RALGAPA2: variants seen among roughly 807,000 people sequenced by gnomAD.
The protein encoded by RALGAPA2 is Ral GTPase activating protein catalytic subunit alpha 2, also known as ral GTPase-activating protein subunit alpha-2.
RALGAPA2 carries 139 observed loss-of-function variants against 230.4 expected under a neutral mutation model. The observed-to-expected ratio is 0.60, with a 90% CI of 0.53 to 0.69. RALGAPA2 has a LOEUF of 0.69. Among genes scored for constraint, RALGAPA2 ranks in the 30% least tolerant of loss-of-function variants. RALGAPA2 has a pLI of 0.00. For synonymous variants in RALGAPA2, 847 were observed against 837.8 expected (o/e 1.01, Z -0.19); for missense variants, 2,163 against 2,276.0 (o/e 0.95, Z 1.01).
chr20:20,652,446 A>C (rs571747045), intron 4 of RALGAPA2, among the ~76,000 whole-genome samples: 1 of 152,270 alleles, frequency 6.6e-6, no homozygotes, highest in East Asian at 1.9e-4. Context: ...TATTTTTCTC[A>C]TCTATCCCCT....
chr20:20,567,876 A>G (rs1305874857), intron 23 of RALGAPA2, among the ~76,000 whole-genome samples: 1 of 113,060 alleles, frequency 8.8e-6, no homozygotes, highest in African/African-American at 4.2e-5. Context: ...AAAATAAAAT[A>G]AAATAAAATA....
intron 37 of RALGAPA2, among the ~76,000 whole-genome samples, chr20:20,432,973 G>A (rs2060530932): frequency 6.6e-6 from 1 of 152,208 alleles, no homozygotes; most frequent in Admixed American, 6.5e-5. Flanking sequence ...TGGCTCACTC[G>A]TGAGCACCAA....
intron 16 of RALGAPA2, among the ~76,000 whole-genome samples, chr20:20,600,245 G>T (rs1042283471): frequency 2.6e-5 from 4 of 152,302 alleles, no homozygotes; most frequent in African/African-American, 4.8e-5. Context: ...GCAATGAGCT[G>T]AGATCGCTCC....
At chr20:20,639,719 A>G (rs1198107435) in intron 7 of RALGAPA2, 66 bp downstream of exon 7, 2 of 1,082,784 alleles carry the variant, frequency 1.8e-6, no homozygotes, top group African/African-American at 1.6e-5. Context: ...GAGGGAAAAG[A>G]GGCAATATTT....
At chr20:20,428,601 GGTC>G (rs1337119957) in intron 37 of RALGAPA2, among the ~76,000 whole-genome samples, 1 of 152,102 alleles carries the variant, frequency 6.6e-6, no homozygotes, top group African/African-American at 2.4e-5. Flanking sequence ...TTGTATCACT[GGTC>G]TCAAGGCCAG....
intron 24 of RALGAPA2, among the ~76,000 whole-genome samples, chr20:20,544,138 T>A (rs1296904591): frequency 6.6e-6 from 1 of 151,240 alleles, no homozygotes; most frequent in Non-Finnish European, 1.5e-5. Context: ...CAGGAAACAA[T>A]AGGCCGGGCA....
chr20:20,526,808 C>T (rs1162856282), intron 27 of RALGAPA2, among the ~76,000 whole-genome samples: 1 of 152,186 alleles, frequency 6.6e-6, no homozygotes, highest in Admixed American at 6.5e-5. Flanking sequence ...CATGGAGAAA[C>T]AGGGATTGAT....
chr20:20,399,707 G>A (rs1057470993), intron 38 of RALGAPA2, among the ~76,000 whole-genome samples: 11 of 152,246 alleles, frequency 7.2e-5, no homozygotes. Context: ...TGTTATGTGC[G>A]GCTCCGCCTA....
chr20:20,524,272 A>T, intron 30 of RALGAPA2, 134 bp downstream of exon 30: 1 of 1,253,006 alleles, frequency 8.0e-7, no homozygotes, highest in Non-Finnish European at 1.1e-6. Context: ...TTTACTTTTT[A>T]AGAAAACGTT....
intron 38 of RALGAPA2, 134 bp downstream of exon 38, chr20:20,411,893 T>G: frequency 8.4e-7 from 1 of 1,185,922 alleles, no homozygotes; most frequent in Non-Finnish European, 1.2e-6. Flanking sequence ...TCATTCCTTT[T>G]GATATTCATT....
intron 37 of RALGAPA2, among the ~76,000 whole-genome samples, chr20:20,445,234 G>T (rs1876969637): frequency 6.6e-6 from 1 of 152,220 alleles, no homozygotes; most frequent in Non-Finnish European, 1.5e-5. Flanking sequence ...ATAAGGGGAA[G>T]CTACTGTAAC....
intron 24 of RALGAPA2, among the ~76,000 whole-genome samples, chr20:20,539,174 T>C (rs561590895): frequency 1.2e-4 from 18 of 152,172 alleles, no homozygotes; most frequent in Admixed American, 2.0e-4. Flanking sequence ...TCTTGGTGAC[T>C]TGTGCGAGCC....
intron 25 of RALGAPA2, among the ~76,000 whole-genome samples, chr20:20,536,272 A>C (rs774636864): frequency 8.5e-5 from 13 of 152,222 alleles, no homozygotes; most frequent in South Asian, 6.2e-4. Flanking sequence ...AGCAGTATTT[A>C]ATCAGGCCAA....
chr20:20,392,872 C>A lies in RALGAPA2; in HGVS notation c.*417G>T, dbSNP rs956447206. 3 of 285,720 alleles carry A rather than the reference C, an allele frequency of 1.0e-5. No homozygotes were observed. Among genetic ancestry groups the A allele is most frequent in the African/African-American group, 2.3e-5 (1 of 44,130 alleles). The allele number at this position is 285,720 out of a possible 1,614,324, so 17.7% of individuals were successfully genotyped here. ...CAACTTGGGGTGCAGAAGCAAGCTGCCCTCTGCCCCCTCCCTGAAAGCGCA... is the reference window on the plus strand; with the variant it reads ...CAACTTGGGGTGCAGAAGCAAGCTGACCTCTGCCCCCTCCCTGAAAGCGCA... On this transcript the variant is annotated 3_prime_UTR_variant, in exon 40 of 40. Coordinates refer to ENST00000202677, the MANE Select transcript of RALGAPA2 (RefSeq NM_020343.4).
At chr20:20,537,337 T>C (rs1457858422) in intron 24 of RALGAPA2, among the ~76,000 whole-genome samples, 1 of 152,136 alleles carries the variant, frequency 6.6e-6, no homozygotes, top group Non-Finnish European at 1.5e-5. Flanking sequence ...TTAAAAGGCA[T>C]GGCTGGGTGC....
intron 16 of RALGAPA2, among the ~76,000 whole-genome samples, chr20:20,595,011 G>A (rs1037753026): frequency 7.2e-5 from 11 of 152,026 alleles, no homozygotes; most frequent in East Asian, 1.9e-4. Flanking sequence ...GAGCCACTGC[G>A]CCCGGCCTAA....
intron 38 of RALGAPA2, among the ~76,000 whole-genome samples, chr20:20,397,598 T>A (rs1054265931): frequency 1.6e-4 from 24 of 152,346 alleles, no homozygotes; most frequent in African/African-American, 5.1e-4. Context: ...AGGACATTTA[T>A]CAGTGACGTG....
At chr20:20,444,211 A>AG (rs1298663213) in intron 37 of RALGAPA2, among the ~76,000 whole-genome samples, 1 of 152,336 alleles carries the variant, frequency 6.6e-6, no homozygotes, top group Admixed American at 6.5e-5. Flanking sequence ...AAGGACCTCC[A>AG]GGGGCCTGTA....
chr20:20,496,317 C>T (rs2062202683), intron 35 of RALGAPA2, among the ~76,000 whole-genome samples: 1 of 152,136 alleles, frequency 6.6e-6, no homozygotes, highest in African/African-American at 2.4e-5. Flanking sequence ...CAATCTCCTG[C>T]ACGATGACCG....
Sources: gnomAD v4.1 joint callset for allele counts (sites outside exome capture counted in the v4.1 genomes callset) on GRCh38, gnomAD v4.1.1 for gene constraint, MANE v1.5 for transcripts, NCBI Gene and HGNC (gene_info 2026-07-23, HGNC 2026-07-21) for gene names.